The following ANKRD30B variants were observed in gnomAD, a reference collection of about 807,000 sequenced individuals.
ANKRD30B encodes the protein ankyrin repeat domain 30B.
In ANKRD30B, 144 loss-of-function variants were observed where a neutral mutation model predicts 202.2. The ratio of observed to expected loss-of-function variants is 0.71; its 90% confidence interval spans 0.62 to 0.82. The LOEUF (loss-of-function observed/expected upper bound fraction) is 0.82. Among genes scored for constraint, ANKRD30B ranks in the 40% least tolerant of loss-of-function variants. The pLI is 0.00. For missense variants in ANKRD30B, 1,487 were observed against 1,669.1 expected (o/e 0.89, Z 1.90); for synonymous variants, 508 against 561.3 (o/e 0.91, Z 1.34).
chr18:14,907,451 C>A, the ANKRD30B span, among the ~76,000 whole-genome samples: 1 of 152,000 alleles, frequency 6.6e-6, no homozygotes, highest in African/African-American at 2.4e-5. Context: ...GGTGTCAGGC[C>A]CTGGGCAGTG....
the ANKRD30B span, among the ~76,000 whole-genome samples, chr18:14,860,578 TCAAA>T: frequency 6.6e-4 from 99 of 149,674 alleles, no homozygotes; most frequent in Middle Eastern, 3.4e-3. Flanking sequence ...GATGATGGGC[TCAAA>T]CAAAGGGCCA....
the ANKRD30B span, among the ~76,000 whole-genome samples, chr18:14,906,194 C>T: frequency 1.2e-4 from 18 of 152,256 alleles, no homozygotes; most frequent in Non-Finnish European, 2.2e-4. Context: ...CTTCCTGCCT[C>T]TTCCTGGAAT....
At chr18:14,810,597 A>T (rs1367306864) in intron 28 of ANKRD30B, among the ~76,000 whole-genome samples, 1 of 150,648 alleles carries the variant, frequency 6.6e-6, no homozygotes, top group Non-Finnish European at 1.5e-5. Context: ...TCTAAAGAAA[A>T]TCAGTTTCTT....
chr18:14,912,773 T>C, the ANKRD30B span, among the ~76,000 whole-genome samples: 1 of 152,248 alleles, frequency 6.6e-6, no homozygotes, highest in Non-Finnish European at 1.5e-5. Flanking sequence ...AGATTTTTAT[T>C]AGTGATTCCA....
the ANKRD30B span, among the ~76,000 whole-genome samples, chr18:14,912,440 A>C: frequency 6.6e-6 from 1 of 152,092 alleles, no homozygotes; most frequent in Non-Finnish European, 1.5e-5. Context: ...TGTATGTTGG[A>C]CTATCCTTGC....
chr18:14,822,823 G>A, intron 32 of ANKRD30B, 146 bp downstream of exon 32: 2 of 1,114,490 alleles, frequency 1.8e-6, no homozygotes, highest in Non-Finnish European at 1.2e-6. Flanking sequence ...TAGTATTCAT[G>A]TTTGAGAAAA....
chr18:14,797,986 T>C (rs1969035953), intron 20 of ANKRD30B, 132 bp downstream of exon 20: 1 of 943,406 alleles, frequency 1.1e-6, no homozygotes, highest in South Asian at 1.8e-5. Flanking sequence ...ATAATGCCAA[T>C]GTTAGTATTT....
the ANKRD30B span, among the ~76,000 whole-genome samples, chr18:14,874,382 T>G: frequency 1.3e-5 from 2 of 152,198 alleles, no homozygotes; most frequent in East Asian, 3.9e-4. Flanking sequence ...GACTAACTCA[T>G]GGCTATGAGG....
intron 15 of ANKRD30B, among the ~76,000 whole-genome samples, chr18:14,789,958 C>G (rs1241614465): frequency 6.6e-5 from 10 of 152,072 alleles, no homozygotes; most frequent in Non-Finnish European, 1.2e-4. Flanking sequence ...GGGGATGGCA[C>G]TGAATCTATA....
chr18:14,873,291 C>T, the ANKRD30B span, among the ~76,000 whole-genome samples: 59 of 151,968 alleles, frequency 3.9e-4, no homozygotes, highest in Admixed American at 9.8e-4. Flanking sequence ...TTGGGGAGGC[C>T]GAGGTGGGTG....
the ANKRD30B span, among the ~76,000 whole-genome samples, chr18:14,921,873 A>G: frequency 6.6e-6 from 1 of 152,118 alleles, no homozygotes; most frequent in African/African-American, 2.4e-5. Context: ...TGGATAAGGG[A>G]AAAAGGGGAG....
the ANKRD30B span, among the ~76,000 whole-genome samples, chr18:14,908,827 G>C: frequency 6.6e-6 from 1 of 152,204 alleles, no homozygotes; most frequent in Non-Finnish European, 1.5e-5. Context: ...GCCCTCCCCT[G>C]TGGTATGGGA....
At chr18:14,773,419 G>A (rs1967140759) in intron 9 of ANKRD30B, among the ~76,000 whole-genome samples, 1 of 151,994 alleles carries the variant, frequency 6.6e-6, no homozygotes, top group Non-Finnish European at 1.5e-5. Context: ...TTATATAATG[G>A]AATATTACAA....
chr18:14,890,841 A>C, the ANKRD30B span, among the ~76,000 whole-genome samples: 1 of 151,818 alleles, frequency 6.6e-6, no homozygotes, highest in East Asian at 1.9e-4. Flanking sequence ...TCCGGTTTAT[A>C]TAATACTTCA....
intron 32 of ANKRD30B, among the ~76,000 whole-genome samples, chr18:14,824,946 AAC>A (rs1970600931): frequency 6.6e-6 from 1 of 152,214 alleles, no homozygotes; most frequent in Admixed American, 6.5e-5. Flanking sequence ...GGAATTCCAT[AAC>A]CATGGGTTGT....
the ANKRD30B span, among the ~76,000 whole-genome samples, chr18:14,898,247 G>T: frequency 6.6e-6 from 1 of 152,026 alleles, no homozygotes. Flanking sequence ...TAATTCTGGG[G>T]TATGGTGTGA....
chr18:14,837,293 A>G lies in ANKRD30B; in HGVS notation c.2926+4A>G, dbSNP rs1568063450. 1 of 1,533,218 alleles carries G rather than the reference A, an allele frequency of 6.5e-7. No homozygotes were observed. Among genetic ancestry groups the G allele is most frequent in the Non-Finnish European group, 8.8e-7 (1 of 1,138,260 alleles). 95.0% of individuals were successfully genotyped at this position (1,533,218 alleles called of 1,614,324 possible). A position where few individuals can be genotyped will look rare whatever the true frequency, so the allele number is the denominator to read the frequency against. On this transcript the variant is annotated splice_donor_region_variant and intron_variant, in intron 35 of 43. Transcript: ENST00000690538. ...CGAGCTCCACAAGATCAAACAAGTA[A>G]TGACAATTTTATTTTTTATACCAAA...
chr18:14,781,070 A>T (rs1474160768), intron 11 of ANKRD30B, among the ~76,000 whole-genome samples: 1 of 152,110 alleles, frequency 6.6e-6, no homozygotes, highest in East Asian at 1.9e-4. Context: ...GTCAATAGAC[A>T]AGTAGATTTT....
chr18:14,862,980 C>T, the ANKRD30B span, among the ~76,000 whole-genome samples: 1 of 152,220 alleles, frequency 6.6e-6, no homozygotes, highest in East Asian at 1.9e-4. Flanking sequence ...AATATTTACC[C>T]AACACCTGTA....
Sources: allele counts gnomAD v4.1 joint callset (sites outside exome capture counted in the v4.1 genomes callset), GRCh38; gene constraint gnomAD v4.1.1; transcripts MANE v1.5; gene names NCBI Gene and HGNC (gene_info 2026-07-23, HGNC 2026-07-21).